Variants in DYNC1I2 observed in about 807,000 individuals in gnomAD.
The protein encoded by DYNC1I2 is dynein cytoplasmic 1 intermediate chain 2.
DYNC1I2 carries 53 observed loss-of-function variants against 88.6 expected under a neutral mutation model. That is an observed-to-expected ratio of 0.60 (90% CI 0.48 to 0.75). The LOEUF (loss-of-function observed/expected upper bound fraction) is 0.75. Among genes scored for constraint, DYNC1I2 ranks in the 30% least tolerant of loss-of-function variants. The pLI, the probability that DYNC1I2 is intolerant of heterozygous loss-of-function variation, is 0.00. For synonymous variants in DYNC1I2, 198 were observed against 254.6 expected, an observed-to-expected ratio of 0.78 and a Z score of 2.12; for missense variants, 458 against 766.6, an observed-to-expected ratio of 0.60 and a Z score of 4.75.
chr2:171,708,358 G>A (rs1686846661), intron 5 of DYNC1I2, among the ~76,000 whole-genome samples: 1 of 152,118 alleles, frequency 6.6e-6, no homozygotes, highest in South Asian at 2.1e-4. Flanking sequence ...GTGGCTGGAT[G>A]ATCTGTAAAC....
intron 15 of DYNC1I2, among the ~76,000 whole-genome samples, chr2:171,732,678 C>T (rs1431735056): frequency 6.6e-6 from 1 of 152,058 alleles, no homozygotes; most frequent in African/African-American, 2.4e-5. Flanking sequence ...ACCTATAAAA[C>T]CAAAGCAAGA....
chr2:171,690,001 C>G, intron 1 of DYNC1I2, 146 bp from the exon 2 acceptor site: 1 of 439,208 alleles, frequency 2.3e-6, no homozygotes, highest in South Asian at 6.2e-5. Context: ...AAGCTACTGC[C>G]CAGCCCCATT....
At chr2:171,710,120 TATACACACACACACACACACAC>T (rs1347925674) in intron 5 of DYNC1I2, among the ~76,000 whole-genome samples, 3 of 95,676 alleles carry the variant, frequency 3.1e-5, no homozygotes, top group Non-Finnish European at 6.4e-5. Flanking sequence ...TTTATGTATA[TATACACACACACACACACACAC>T]ACACACACAC....
intron 7 of DYNC1I2, among the ~76,000 whole-genome samples, chr2:171,721,939 A>G (rs1208202486): frequency 3.9e-5 from 6 of 152,194 alleles, no homozygotes. Flanking sequence ...ATTTTCTAAG[A>G]TACTGTATAT....
chr2:171,727,565 C>T (rs913060751), intron 11 of DYNC1I2, among the ~76,000 whole-genome samples: 4 of 152,026 alleles, frequency 2.6e-5, no homozygotes, highest in African/African-American at 9.7e-5. Context: ...TAACTTTTTG[C>T]TTTCTTTGAT....
chr2:171,746,212 A>G (rs1689768784), intron 17 of DYNC1I2, among the ~76,000 whole-genome samples: 1 of 152,158 alleles, frequency 6.6e-6, no homozygotes. Context: ...TTCTTTGGGG[A>G]GAAGTTTGGA....
At chr2:171,710,341 T>TAA (rs1279886881) in intron 5 of DYNC1I2, among the ~76,000 whole-genome samples, 1 of 152,140 alleles carries the variant, frequency 6.6e-6, no homozygotes, top group African/African-American at 2.4e-5. Context: ...AACACGATGT[T>TAA]AATGTAAGAA....
chr2:171,704,136 C>T (rs995917533), intron 3 of DYNC1I2, among the ~76,000 whole-genome samples: 5 of 152,140 alleles, frequency 3.3e-5, no homozygotes, highest in African/African-American at 1.2e-4. Context: ...GGTGCATTCC[C>T]AGGTCCTTTG....
At chr2:171,688,558 T>C (rs191590912) in intron 1 of DYNC1I2, 6 of 152,228 alleles carry the variant, frequency 3.9e-5, no homozygotes, top group Admixed American at 3.3e-4. Context: ...TGGAGCTGTT[T>C]AGAGGTGTAG....
At chr2:171,709,965 C>T (rs1686983225) in intron 5 of DYNC1I2, among the ~76,000 whole-genome samples, 1 of 152,140 alleles carries the variant, frequency 6.6e-6, no homozygotes. Context: ...GATCCACCCA[C>T]CTCAGCCTCC....
intron 16 of DYNC1I2, among the ~76,000 whole-genome samples, chr2:171,744,436 C>T (rs368430166): frequency 1.3e-5 from 2 of 152,304 alleles, no homozygotes; most frequent in African/African-American, 2.4e-5. Flanking sequence ...ACTATCATGT[C>T]TCTAATGTCC....
At chr2:171,732,342 G>A (rs1257788762) in intron 15 of DYNC1I2, among the ~76,000 whole-genome samples, 1 of 152,144 alleles carries the variant, frequency 6.6e-6, no homozygotes, top group Non-Finnish European at 1.5e-5. Context: ...CCTGGGTGAC[G>A]AGCAAAACTC....
chr2:171,701,497 T>A (rs1182403877), intron 3 of DYNC1I2, among the ~76,000 whole-genome samples: 1 of 152,164 alleles, frequency 6.6e-6, no homozygotes, highest in African/African-American at 2.4e-5. Context: ...ATGCCAACTT[T>A]TTTTTTGTTT....
intron 15 of DYNC1I2, among the ~76,000 whole-genome samples, chr2:171,734,817 C>T (rs1219338658): frequency 6.6e-6 from 1 of 152,028 alleles, no homozygotes; most frequent in East Asian, 1.9e-4. Context: ...TTATTTCTGC[C>T]CTGCTGAAAA....
chr2:171,688,735 T>C (rs1276413501), intron 1 of DYNC1I2: 1 of 152,212 alleles, frequency 6.6e-6, no homozygotes. Flanking sequence ...GTAGCTGAAA[T>C]TTCCTTTATC....
At chr2:171,714,377 T>C (rs1687340316) in intron 6 of DYNC1I2, among the ~76,000 whole-genome samples, 1 of 152,008 alleles carries the variant, frequency 6.6e-6, no homozygotes, top group African/African-American at 2.4e-5. Flanking sequence ...AGAATATTTA[T>C]ATAAGAAAAA....
intron 7 of DYNC1I2, among the ~76,000 whole-genome samples, chr2:171,716,660 C>CT (rs1449663254): frequency 4.6e-5 from 7 of 152,230 alleles, no homozygotes; most frequent in Admixed American, 3.3e-4. Context: ...CGTACTAGCA[C>CT]TTTGGGAGAC....
chr2:171,737,682 G>A (rs1478884371), intron 15 of DYNC1I2, among the ~76,000 whole-genome samples: 1 of 152,160 alleles, frequency 6.6e-6, no homozygotes, highest in Non-Finnish European at 1.5e-5. Flanking sequence ...GGCTCCCAAA[G>A]TGGTTGGGTT....
At chr2:171,698,097 C>T (rs1685922945) in intron 3 of DYNC1I2, among the ~76,000 whole-genome samples, 1 of 152,194 alleles carries the variant, frequency 6.6e-6, no homozygotes, top group Non-Finnish European at 1.5e-5. Flanking sequence ...TACTTGGGCA[C>T]TATGTGACTA....
Sources: allele counts gnomAD v4.1 joint callset (sites outside exome capture counted in the v4.1 genomes callset), GRCh38; gene constraint gnomAD v4.1.1; transcripts MANE v1.5; gene names NCBI Gene and HGNC (gene_info 2026-07-23, HGNC 2026-07-21).